The following AR variants were observed in gnomAD, a reference collection of about 807,000 sequenced individuals.
AR encodes androgen receptor.
Under a neutral mutation model 53.9 loss-of-function variants are expected in AR, and 8 were observed. The ratio of observed to expected loss-of-function variants is 0.15; its 90% CI spans 0.09 to 0.27. The LOEUF (loss-of-function observed/expected upper bound fraction) is 0.27. Ranked by LOEUF, AR falls within the 10% of genes least tolerant of loss-of-function variation. The pLI, the probability that AR is intolerant of heterozygous loss-of-function variation, is 1.00. For synonymous variants in AR, 359 were observed against 316.4 expected (o/e 1.13, Z -1.43); for missense variants, 639 against 742.5 (o/e 0.86, Z 1.62).
chrX:67,576,069 A>G (rs752217228), intron 1 of AR, among the ~76,000 whole-genome samples: 54 of 111,685 alleles, frequency 4.8e-4, no homozygotes, highest in Non-Finnish European at 9.1e-4. Context: ...CAGGAAAGAT[A>G]TTCTGTCATC....
chrX:67,568,048 A>G (rs1270148579), intron 1 of AR, among the ~76,000 whole-genome samples: 1 of 111,235 alleles, frequency 9.0e-6, no homozygotes, highest in Non-Finnish European at 1.9e-5. Context: ...AGCAGATGGC[A>G]GGCAGAGTAG....
chrX:67,576,062 G>A (rs905365700), intron 1 of AR, among the ~76,000 whole-genome samples: 1 of 111,586 alleles, frequency 9.0e-6, no homozygotes, highest in African/African-American at 3.3e-5. Flanking sequence ...TACTATACAG[G>A]AAAGATATTC....
intron 1 of AR, among the ~76,000 whole-genome samples, chrX:67,566,059 A>G (rs1210853975): frequency 8.9e-6 from 1 of 112,254 alleles, no homozygotes; most frequent in Non-Finnish European, 1.9e-5. Context: ...TTGCTATTGA[A>G]TGAATGAGTA....
chrX:67,565,320 A>T (rs754828462), intron 1 of AR, among the ~76,000 whole-genome samples: 4 of 112,085 alleles, frequency 3.6e-5, no homozygotes, highest in Admixed American at 9.4e-5. Flanking sequence ...GTAAGCTAAA[A>T]GTTGCTTGAG....
intron 1 of AR, 82 bp downstream of exon 1, chrX:67,546,844 C>A: frequency 1.9e-6 from 2 of 1,049,096 alleles, no homozygotes; most frequent in Non-Finnish European, 1.3e-6. Flanking sequence ...CGGCTCCTAC[C>A]TGCGCGAACA....
intron 1 of AR, among the ~76,000 whole-genome samples, chrX:67,627,032 G>C (rs1309003933): frequency 9.3e-6 from 1 of 107,132 alleles, no homozygotes; most frequent in Admixed American, 1.0e-4. Flanking sequence ...GTCTATCATT[G>C]TTGGACATTT....
At chrX:67,586,916 T>C (rs1378386319) in intron 1 of AR, among the ~76,000 whole-genome samples, 1 of 112,053 alleles carries the variant, frequency 8.9e-6, no homozygotes, top group African/African-American at 3.2e-5. Flanking sequence ...CTCACTGTTA[T>C]CAATCTCAGT....
intron 2 of AR, among the ~76,000 whole-genome samples, chrX:67,672,377 C>T (rs72627670): frequency 0.015 from 1,719 of 111,011 alleles, 67 homozygotes; most frequent in East Asian, 0.15. Flanking sequence ...TTACTCCTGC[C>T]ATTTGGTTGT....
At chrX:67,608,732 T>C (rs1923743948) in intron 1 of AR, among the ~76,000 whole-genome samples, 1 of 112,328 alleles carries the variant, frequency 8.9e-6, no homozygotes, top group South Asian at 3.7e-4. Context: ...AAATTCATTT[T>C]TATGTTTGCA....
In AR at chrX:67,546,344, G is replaced by C; in HGVS notation, c.1198G>C (p.Ala400Pro). The C allele has an allele frequency of 1.7e-6, 2 of 1,186,714 alleles. No homozygotes were observed. The highest frequency in any genetic ancestry group is 2.3e-6 in the Non-Finnish European group (2 of 883,729). ...CCCGCTGGACTACGGCAGCGCCTGG[G>C]CGGCTGCGGCGGCGCAGTGCCGCTA... ...ENPLDYGSAW[A>P]AAAAQCRYGD... is the part of the protein sequence containing the mutation. Residue 400 changes from alanine to proline, a missense_variant, in exon 1 of 8, where the codon GCG becomes CCG. Physicochemically the swap from Ala to Pro is conservative, Grantham distance 27. Transcript: ENST00000374690.
chrX:67,626,326 A>C, intron 1 of AR, among the ~76,000 whole-genome samples: 1 of 109,071 alleles, frequency 9.2e-6, no homozygotes, highest in East Asian at 2.9e-4. Context: ...GCTCCCACAA[A>C]TTAGCTCCCA....
intron 4 of AR, among the ~76,000 whole-genome samples, chrX:67,712,172 C>A (rs972390727): frequency 8.9e-6 from 1 of 111,932 alleles, no homozygotes; most frequent in African/African-American, 3.2e-5. Context: ...CAGAACACTT[C>A]GGGTCTGCTC....
At chrX:67,567,564 G>C (rs983787110) in intron 1 of AR, among the ~76,000 whole-genome samples, 2 of 111,221 alleles carry the variant, frequency 1.8e-5, no homozygotes, top group African/African-American at 6.5e-5. Context: ...CCTCTAGCTG[G>C]ACTGAGGTAG....
At chrX:67,565,701 A>G (rs1315871189) in intron 1 of AR, among the ~76,000 whole-genome samples, 1 of 110,662 alleles carries the variant, frequency 9.0e-6, no homozygotes. Context: ...GATTTGGTGA[A>G]TTTTTTGGGG....
chrX:67,580,696 C>T (rs1922259194), intron 1 of AR, among the ~76,000 whole-genome samples: 1 of 111,453 alleles, frequency 9.0e-6, no homozygotes, highest in Non-Finnish European at 1.9e-5. Context: ...TTTACCTCTA[C>T]TCCTTTTCCC....
intron 1 of AR, among the ~76,000 whole-genome samples, chrX:67,560,019 T>C (rs1424351632): frequency 8.9e-6 from 1 of 111,948 alleles, no homozygotes; most frequent in East Asian, 2.8e-4. Context: ...TATCTAATAA[T>C]AGACCAAAAA....
intron 2 of AR, among the ~76,000 whole-genome samples, chrX:67,659,901 A>T (rs1180238193): frequency 4.5e-5 from 5 of 111,377 alleles, no homozygotes; most frequent in Non-Finnish European, 7.5e-5. Flanking sequence ...CTTTTTAATG[A>T]TCACCATTCT....
At chrX:67,610,850 G>T (rs1923849248) in intron 1 of AR, among the ~76,000 whole-genome samples, 1 of 111,259 alleles carries the variant, frequency 9.0e-6, no homozygotes, top group Non-Finnish European at 1.9e-5. Flanking sequence ...TGTTTAAGAT[G>T]AATGGTTCTG....
At chrX:67,628,643 A>G (rs1395649763) in intron 1 of AR, among the ~76,000 whole-genome samples, 7 of 109,869 alleles carry the variant, frequency 6.4e-5, no homozygotes, top group South Asian at 8.0e-4. Context: ...TCTTCTGCCT[A>G]ATTGCCCTGG....
Sources: allele counts gnomAD v4.1 joint callset (sites outside exome capture counted in the v4.1 genomes callset), GRCh38; gene constraint gnomAD v4.1.1; transcripts MANE v1.5; gene names NCBI Gene and HGNC (gene_info 2026-07-23, HGNC 2026-07-21).